Variants in EYA3 observed in about 807,000 individuals in gnomAD.
The protein encoded by EYA3 is protein phosphatase EYA3.
In EYA3, 39 loss-of-function variants were observed where a neutral mutation model predicts 80.0. That is an observed-to-expected ratio of 0.49 (90% confidence interval 0.38 to 0.64). The LOEUF is 0.64. EYA3 is among the 30% of genes least tolerant of loss of function. EYA3 has a pLI of 0.00. For synonymous variants in EYA3, 206 were observed against 232.8 expected (o/e 0.88, Z 1.05); for missense variants, 523 against 676.1 (o/e 0.77, Z 2.51).
In EYA3 at chr1:28,038,439, T is replaced by TAAAA. The variant is rs74525723; in HGVS notation, c.224+396_224+399dup. Among the ~76,000 whole-genome samples the TAAAA allele has an allele frequency of 6.2e-3, 422 of 68,452 alleles. 6 individuals carry two copies. Among genetic ancestry groups the TAAAA allele is most frequent in the African/African-American group, 0.021 (371 of 17,544 alleles). The allele number at this position is 68,452 out of a possible 152,430, so 44.9% of individuals were successfully genotyped here. A position where few individuals can be genotyped will look rare whatever the true frequency, so the allele number is the denominator to read the frequency against. ...CAACAAACAGAGTGAGATTCTATCT[T>TAAAA]AAAAAAAAAAAAAAAAAAAAAAAAA... On this transcript the variant is annotated intron_variant, in intron 5 of 17. Transcript: ENST00000373871.
intron 6 of EYA3, among the ~76,000 whole-genome samples, chr1:28,031,303 T>C (rs1054456805): frequency 1.4e-4 from 22 of 152,146 alleles, no homozygotes; most frequent in African/African-American, 4.3e-4. Context: ...TTCCAGATAA[T>C]AGGCAGCATG....
At chr1:28,052,884 T>C (rs1437779358) in intron 2 of EYA3, among the ~76,000 whole-genome samples, 1 of 152,018 alleles carries the variant, frequency 6.6e-6, no homozygotes, top group Admixed American at 6.6e-5. Flanking sequence ...GAGGTTGCAG[T>C]GAGCCGAGAT....
At chr1:28,086,617 G>C (rs138471200) in intron 1 of EYA3, among the ~76,000 whole-genome samples, 19 of 152,102 alleles carry the variant, frequency 1.2e-4, no homozygotes, top group African/African-American at 4.3e-4. Flanking sequence ...TCATTTTTGG[G>C]GTTTAATGTT....
At position 28,083,868 on chromosome 1, in the gene EYA3, GC is replaced by G. The variant is rs531243581; in HGVS notation, c.-69+4655del. Among the ~76,000 whole-genome samples the G allele has an allele frequency of 5.9e-4, 90 of 152,238 alleles. 1 individual carries two copies. The highest frequency in any genetic ancestry group is 6.8e-3 in the Middle Eastern group (2 of 294). Reference sequence around the variant, plus strand: ...ACAATATTACCTAGCCACATAAATAGCCTAAATATGTATTACTGTAACTGTA... The same window carrying G: ...ACAATATTACCTAGCCACATAAATAGCTAAATATGTATTACTGTAACTGTA... On this transcript the variant is annotated intron_variant, in intron 1 of 17. Coordinates refer to ENST00000373871, the MANE Select transcript of EYA3 (RefSeq NM_001990.4).
intron 1 of EYA3, among the ~76,000 whole-genome samples, chr1:28,072,409 T>C (rs575835482): frequency 6.6e-6 from 1 of 152,206 alleles, no homozygotes; most frequent in African/African-American, 2.4e-5. Context: ...TTGGCCTCTG[T>C]AGATTTAGAT....
intron 1 of EYA3, among the ~76,000 whole-genome samples, chr1:28,064,145 A>G (rs1212090739): frequency 2.0e-5 from 3 of 152,194 alleles, no homozygotes; most frequent in Non-Finnish European, 4.4e-5. Flanking sequence ...TTAAATATTA[A>G]TATGTGCATT....
intron 7 of EYA3, among the ~76,000 whole-genome samples, chr1:28,026,860 C>A (rs903421855): frequency 6.6e-6 from 1 of 151,886 alleles, no homozygotes; most frequent in Non-Finnish European, 1.5e-5. Context: ...ACATAGAGAC[C>A]AGTTCTGTTT....
At chr1:28,073,699 G>A (rs1391937766) in intron 1 of EYA3, among the ~76,000 whole-genome samples, 1 of 152,088 alleles carries the variant, frequency 6.6e-6, no homozygotes, top group East Asian at 1.9e-4. Context: ...GCCTCCCAGA[G>A]TGCTAGGATT....
chr1:27,982,218 G>A (rs994720226), intron 16 of EYA3, among the ~76,000 whole-genome samples: 15 of 151,862 alleles, frequency 9.9e-5, no homozygotes, highest in African/African-American at 3.6e-4. Flanking sequence ...GGGTGGTCTT[G>A]AACTCCTGAG....
intron 6 of EYA3, among the ~76,000 whole-genome samples, chr1:28,030,078 C>G (rs1391140561): frequency 2.0e-5 from 3 of 152,144 alleles, no homozygotes; most frequent in Admixed American, 6.5e-5. Context: ...TTTATTTGCT[C>G]CTACTCTGAT....
At chr1:28,051,987 G>A (rs889341216) in intron 2 of EYA3, among the ~76,000 whole-genome samples, 2 of 151,004 alleles carry the variant, frequency 1.3e-5, no homozygotes, top group African/African-American at 4.9e-5. Context: ...CAAAGTTAGA[G>A]GACTCACATT....
At chr1:27,978,191 CTT>C (rs2148701287) in intron 17 of EYA3, among the ~76,000 whole-genome samples, 181 bp downstream of exon 17, 1 of 151,962 alleles carries the variant, frequency 6.6e-6, no homozygotes, top group Admixed American at 6.6e-5. Flanking sequence ...GATCTAAAAA[CTT>C]AAGAGGAAAA....
At chr1:28,008,451 T>C (rs1641454534) in intron 10 of EYA3, among the ~76,000 whole-genome samples, 1 of 150,956 alleles carries the variant, frequency 6.6e-6, no homozygotes, top group South Asian at 2.1e-4. Flanking sequence ...ATAATAGAAA[T>C]CAGACTTCCT....
At chr1:28,054,183 T>G (rs930533083) in intron 2 of EYA3, among the ~76,000 whole-genome samples, 2 of 152,214 alleles carry the variant, frequency 1.3e-5, no homozygotes, top group Non-Finnish European at 2.9e-5. Flanking sequence ...TTTCATTGAC[T>G]GTGCTTACTA....
Position 27,971,813 on chromosome 1 carries a change from G to C in EYA3, c.*2653C>G, listed in dbSNP as rs1638746649. ...ATTTTTGTGTTGGGGTGGAGAAAAA[G>C]GCAGGGTAATTACAGAGAGCACTGT... On this transcript the variant is annotated 3_prime_UTR_variant, in exon 18 of 18. Coordinates refer to ENST00000373871, the MANE Select transcript of EYA3 (RefSeq NM_001990.4). The C allele has an allele frequency of 6.6e-6, 1 of 152,112 alleles. No homozygotes were observed. The highest frequency in any genetic ancestry group is 1.5e-5 in the Non-Finnish European group (1 of 68,058). 9.4% of individuals were successfully genotyped at this position (152,112 alleles called of 1,614,324 possible).
chr1:27,983,750 C>A (rs72656558), intron 16 of EYA3, among the ~76,000 whole-genome samples: 16 of 152,096 alleles, frequency 1.1e-4, no homozygotes, highest in African/African-American at 3.9e-4. Flanking sequence ...CTGCCTCCCC[C>A]ACTCAAGCGA....
chr1:28,000,571 C>T (rs1297455716), intron 11 of EYA3, among the ~76,000 whole-genome samples: 2 of 152,064 alleles, frequency 1.3e-5, no homozygotes, highest in African/African-American at 4.8e-5. Context: ...GTCGGCCTCC[C>T]AAAGTGCTGG....
At position 28,042,629 on chromosome 1, in the gene EYA3, G is replaced by A; in HGVS notation, c.99C>T (p.Val33=). The A allele has an allele frequency of 6.2e-7, 1 of 1,614,130 alleles. No homozygotes were observed. The highest frequency in any genetic ancestry group is 8.5e-7 in the Non-Finnish European group (1 of 1,179,982). ...TTGATGTTTCAGGCTTCTGATCACT[G>A]ACATCTGGATTGCTTACTTGACTGG... The part of the protein sequence containing the change: ...QTISQVSNPD[V]SDQKPETSSL... The change falls in exon 4 of 18, where the codon GTC becomes GTT. Residue 33 remains valine (V), a synonymous_variant. Coordinates refer to ENST00000373871, the MANE Select transcript of EYA3 (RefSeq NM_001990.4).
chr1:28,013,302 C>G lies in EYA3; in HGVS notation c.586-8G>C. 1 of 1,593,960 alleles carries G rather than the reference C, an allele frequency of 6.3e-7. No homozygotes were observed. The highest frequency in any genetic ancestry group is 1.1e-5 in the South Asian group (1 of 88,482). On this transcript the variant is annotated splice_region_variant and splice_polypyrimidine_tract_variant and intron_variant, in intron 8 of 17. Coordinates refer to ENST00000373871, the MANE Select transcript of EYA3 (RefSeq NM_001990.4). The surrounding 1 kb of genome is among the most constrained non-coding windows in gnomAD (Gnocchi z 4.0). Reference sequence around the variant, plus strand: ...AGTATAGGTGGGATAATCCTGCAGGCCAAAGGAAATAAGAAAACAAGACTC... The same window carrying G: ...AGTATAGGTGGGATAATCCTGCAGGGCAAAGGAAATAAGAAAACAAGACTC...
Sources: gnomAD v4.1 joint callset for allele counts (sites outside exome capture counted in the v4.1 genomes callset) on GRCh38, gnomAD v4.1.1 for gene constraint, Gnocchi (gnomAD v3.1) non-coding constraint, MANE v1.5 for transcripts, NCBI Gene and HGNC (gene_info 2026-07-23, HGNC 2026-07-21) for gene names.